The following TENM4 variants were observed in gnomAD, a reference collection of about 807,000 sequenced individuals.
The protein encoded by TENM4 is teneurin transmembrane protein 4.
A neutral mutation model predicts 243.3 loss-of-function variants in TENM4; 82 were observed. That is an observed-to-expected ratio of 0.34 (90% CI 0.28 to 0.40). TENM4 has a LOEUF of 0.40. Among genes scored for constraint, TENM4 ranks in the 10% least tolerant of loss-of-function variants. The pLI is 1.00. For missense variants in TENM4, 3,138 were observed against 3,673.3 expected (o/e 0.85, Z 3.77); for synonymous variants, 1,412 against 1,456.3 (o/e 0.97, Z 0.69).
intron 12 of TENM4, among the ~76,000 whole-genome samples, chr11:78,820,163 C>T (rs1401490615): frequency 6.6e-6 from 1 of 152,194 alleles, no homozygotes; most frequent in East Asian, 1.9e-4. Flanking sequence ...AGGAAGAGTC[C>T]AACAGAGACC....
At chr11:79,123,404 T>C (rs1419545436) in intron 4 of TENM4, among the ~76,000 whole-genome samples, 1 of 152,152 alleles carries the variant, frequency 6.6e-6, no homozygotes, top group African/African-American at 2.4e-5. Flanking sequence ...GGCCCCAAGG[T>C]ATATGCCCTA....
At chr11:79,041,433 C>T (rs1859526098) in intron 6 of TENM4, among the ~76,000 whole-genome samples, 1 of 147,782 alleles carries the variant, frequency 6.8e-6, no homozygotes, top group South Asian at 2.1e-4. Context: ...CTCACAGGAC[C>T]ATTGAGAGAA....
intron 12 of TENM4, among the ~76,000 whole-genome samples, chr11:78,832,215 C>T (rs912988094): frequency 2.0e-5 from 3 of 152,202 alleles, no homozygotes; most frequent in African/African-American, 7.2e-5. Flanking sequence ...TATCCAAATC[C>T]TTCCGGGCCT....
chr11:79,103,952 C>T (rs777094584), intron 4 of TENM4, among the ~76,000 whole-genome samples: 11 of 152,140 alleles, frequency 7.2e-5, no homozygotes, highest in Non-Finnish European at 1.0e-4. Flanking sequence ...AGAAATAATA[C>T]GTTGTAATGG....
At chr11:78,862,261 C>T (rs1167884730) in intron 10 of TENM4, among the ~76,000 whole-genome samples, 1 of 152,132 alleles carries the variant, frequency 6.6e-6, no homozygotes. Context: ...CATTTACTGG[C>T]TGTGTGACTC....
chr11:79,285,127 A>G (rs906259956), intron 2 of TENM4, among the ~76,000 whole-genome samples: 3 of 152,158 alleles, frequency 2.0e-5, no homozygotes, highest in Non-Finnish European at 4.4e-5. Flanking sequence ...AGTCCCAGCT[A>G]CTTGGGAGGA....
rs1359910706 is a variant in TENM4 at position 78,669,658 on chromosome 11, C to G, written c.6687G>C (p.Gly2229=). ...GTAGTGGTGTGAGCCGTGCACTGTT[C>G]CCAGGGCTCAGTAAGTGCAGGTTCC... ...LNGNLHLLSP[G]NSARLTPLRY... Residue 2229 remains glycine (G), a synonymous_variant, in exon 32 of 34, where the codon GGG becomes GGC. Transcript: ENST00000278550. The surrounding 1 kb of genome is among the most constrained non-coding windows in gnomAD (Gnocchi z 6.4). 4 of 1,613,862 alleles carry G rather than the reference C, an allele frequency of 2.5e-6. No individual in the cohort carries two copies. The highest frequency in any genetic ancestry group is 1.7e-5 in the Admixed American group (1 of 59,990).
intron 1 of TENM4, among the ~76,000 whole-genome samples, chr11:79,352,336 T>A (rs1857427602): frequency 6.6e-6 from 1 of 152,042 alleles, no homozygotes; most frequent in Admixed American, 6.5e-5. Context: ...CAATCACCAG[T>A]CACATAGGCA....
At chr11:79,016,245 A>C (rs1858771520) in intron 6 of TENM4, among the ~76,000 whole-genome samples, 1 of 152,196 alleles carries the variant, frequency 6.6e-6, no homozygotes, top group Non-Finnish European at 1.5e-5. Context: ...CCAGCAGCTC[A>C]GAGGGGAGAT....
At chr11:79,320,243 T>G (rs897438902) in intron 1 of TENM4, among the ~76,000 whole-genome samples, 2 of 152,210 alleles carry the variant, frequency 1.3e-5, no homozygotes, top group African/African-American at 2.4e-5. Flanking sequence ...CCCTGAGCTG[T>G]GCATGTTAGT....
intron 4 of TENM4, 93 bp downstream of exon 4, chr11:79,148,617 A>G (rs576018599): frequency 1.0e-5 from 2 of 198,886 alleles, no homozygotes; most frequent in African/African-American, 4.7e-5. Flanking sequence ...AAGTCTACCT[A>G]TTAATGCATA....
chr11:78,958,021 G>A (rs368635744), intron 6 of TENM4, among the ~76,000 whole-genome samples: 3 of 152,316 alleles, frequency 2.0e-5, no homozygotes, highest in East Asian at 3.9e-4. Context: ...ACAGGCTTGG[G>A]CCTGAATCTT....
At chr11:79,144,440 A>G (rs75995342) in intron 4 of TENM4, among the ~76,000 whole-genome samples, 1,636 of 152,210 alleles carry the variant, frequency 0.011, 36 homozygotes, top group African/African-American at 0.037. Flanking sequence ...ACATACCCCA[A>G]AGAAAGGAAA....
intron 4 of TENM4, chr11:79,093,955 T>C (rs553230237): frequency 3.2e-4 from 49 of 152,344 alleles, no homozygotes; most frequent in African/African-American, 1.2e-3. Context: ...GAATTTAAGT[T>C]TCTAATTAAA....
chr11:78,812,500 G>C (rs567523604), intron 13 of TENM4, among the ~76,000 whole-genome samples, 184 bp from the exon 14 acceptor site: 11 of 152,324 alleles, frequency 7.2e-5, no homozygotes, highest in African/African-American at 2.2e-4. Flanking sequence ...AACACACCTA[G>C]ATTTGTAGGT....
chr11:78,991,080 C>T (rs1297232917), intron 6 of TENM4, among the ~76,000 whole-genome samples: 3 of 152,040 alleles, frequency 2.0e-5, no homozygotes, highest in Non-Finnish European at 2.9e-5. Flanking sequence ...GGGGTGTCTG[C>T]GTGTGTGCCT....
intron 4 of TENM4, among the ~76,000 whole-genome samples, chr11:79,078,986 C>T (rs1225530867): frequency 1.3e-5 from 2 of 152,202 alleles, no homozygotes; most frequent in Non-Finnish European, 2.9e-5. Flanking sequence ...TCTATTTGTT[C>T]TTTCACCTTT....
intron 2 of TENM4, among the ~76,000 whole-genome samples, chr11:79,278,511 C>T (rs572391538): frequency 6.0e-4 from 91 of 152,258 alleles, no homozygotes; most frequent in Admixed American, 4.8e-3. Context: ...CAGCAGGAGC[C>T]GCTGAGAACC....
At chr11:78,668,798 G>C in intron 32 of TENM4, 139 bp downstream of exon 32, 2 of 1,111,734 alleles carry the variant, frequency 1.8e-6, no homozygotes, top group Non-Finnish European at 2.5e-6. Context: ...TTCTTCAAAC[G>C]GACTTTGGAA....
Sources: allele counts gnomAD v4.1 joint callset (sites outside exome capture counted in the v4.1 genomes callset), GRCh38; gene constraint gnomAD v4.1.1; non-coding constraint Gnocchi (gnomAD v3.1); transcripts MANE v1.5; gene names NCBI Gene and HGNC (gene_info 2026-07-23, HGNC 2026-07-21).